Variants in GATAD2A observed in about 807,000 individuals in gnomAD.
GATAD2A encodes transcriptional repressor p66-alpha.
In GATAD2A, 12 loss-of-function variants were observed where a neutral mutation model predicts 68.5. The observed-to-expected ratio is 0.18, with a 90% CI of 0.11 to 0.28. GATAD2A has a LOEUF of 0.28. GATAD2A is among the 10% of genes least tolerant of loss of function. The pLI is 1.00. For missense variants in GATAD2A, 755 were observed against 868.5 expected (o/e 0.87, Z 1.64); for synonymous variants, 410 against 375.3 (o/e 1.09, Z -1.07).
intron 2 of GATAD2A, among the ~76,000 whole-genome samples, chr19:19,478,047 A>G (rs879596107): frequency 3.0e-4 from 45 of 152,202 alleles, no homozygotes; most frequent in African/African-American, 1.1e-3. Flanking sequence ...ATTATAGTGT[A>G]TCTTTGGGGT....
chr19:19,434,809 G>A lies in GATAD2A; in HGVS notation c.-7+28790G>A, dbSNP rs549996127. Among the ~76,000 whole-genome samples, 27 of 152,318 alleles carry A rather than the reference G, an allele frequency of 1.8e-4. No homozygotes were observed. The South Asian group carries it at 3.9e-3, about 22-fold the overall frequency. ...AGAGCATTAGTTTTCCTGTCTGTAA[G>A]ACAGGCAGCCTCTTTCTCTCTGGAC... is the stretch of plus-strand genomic sequence containing the variant. On this transcript the variant is annotated intron_variant, in intron 1 of 11. Transcript: ENST00000683918.
chr19:19,422,205 C>A (rs1568270538), intron 1 of GATAD2A, among the ~76,000 whole-genome samples: 2 of 152,328 alleles, frequency 1.3e-5, no homozygotes, highest in East Asian at 3.9e-4. Flanking sequence ...ACTGAAGCCT[C>A]TTCCCAGCAA....
At chr19:19,486,001 G>GGTC (rs2148315959) in intron 2 of GATAD2A, among the ~76,000 whole-genome samples, 1 of 152,268 alleles carries the variant, frequency 6.6e-6, no homozygotes, top group South Asian at 2.1e-4. Flanking sequence ...CGTGCAAGGG[G>GGTC]GTCCATCAGT....
chr19:19,475,218 A>C (rs2058594065), intron 2 of GATAD2A, among the ~76,000 whole-genome samples: 1 of 152,206 alleles, frequency 6.6e-6, no homozygotes, highest in South Asian at 2.1e-4. Flanking sequence ...ACGATGGACT[A>C]ATGTGGCACA....
chr19:19,391,440 A>G (rs2048839690), intron 1 of GATAD2A, among the ~76,000 whole-genome samples: 1 of 152,178 alleles, frequency 6.6e-6, no homozygotes, highest in Non-Finnish European at 1.5e-5. Context: ...CAATTCTTTT[A>G]AGGACAGTTA....
chr19:19,453,699 C>T (rs771636770), intron 1 of GATAD2A, among the ~76,000 whole-genome samples: 6 of 147,326 alleles, frequency 4.1e-5, no homozygotes, highest in South Asian at 2.1e-4. Context: ...TTTTTTGAGA[C>T]GGAGTCTTGC....
At chr19:19,462,633 ACCAC>A (rs2057537495) in intron 1 of GATAD2A, among the ~76,000 whole-genome samples, 1 of 152,188 alleles carries the variant, frequency 6.6e-6, no homozygotes, top group Non-Finnish European at 1.5e-5. Flanking sequence ...CTGACCTGCT[ACCAC>A]AACAGGGGGC....
At position 19,498,601 on chromosome 19, in the gene GATAD2A, C is replaced by T. The variant is rs773285302; in HGVS notation, c.1083C>T (p.Leu361=). 1.7e-5 allele frequency: 27 copies of T among 1,613,698 alleles called. No individual in the cohort carries two copies. The highest frequency in any genetic ancestry group is 1.6e-4 in the Middle Eastern group (1 of 6,082). ...ALRKQLEKTL[L]EIPPPKPPAP... The stretch of plus-strand genomic sequence containing the variant: ...GCAAACAGCTGGAGAAGACGCTACT[C>T]GAGATCCCCCCACCCAAGCCCCCAG... The change falls in exon 8 of 12, where the codon CTC becomes CTT. Residue 361 remains leucine (L), a synonymous_variant. Transcript: ENST00000683918.
chr19:19,505,134 C>T (rs2060801101), intron 11 of GATAD2A, among the ~76,000 whole-genome samples: 1 of 152,192 alleles, frequency 6.6e-6, no homozygotes, highest in Non-Finnish European at 1.5e-5. Context: ...CTGGCAATGT[C>T]AAGGCCATTG....
Position 19,482,084 on chromosome 19 carries a change from T to C in GATAD2A, c.270-10222T>C, listed in dbSNP as rs2059100993. Reference sequence around the variant, plus strand: ...ATTGTACCATTGCACTCCAGCCTGGTTTACAGAATGAGACCCTGTCTCAAA... The same window carrying C: ...ATTGTACCATTGCACTCCAGCCTGGCTTACAGAATGAGACCCTGTCTCAAA... On this transcript the variant is annotated intron_variant, in intron 2 of 11. Coordinates refer to ENST00000683918, the MANE Select transcript of GATAD2A (RefSeq NM_001384528.1). Among the ~76,000 whole-genome samples the C allele has an allele frequency of 2.0e-5, 3 of 150,824 alleles. No individual in the cohort carries two copies. The South Asian group carries it at 6.3e-4, about 32-fold the overall frequency.
At chr19:19,429,695 C>T (rs2053519387) in intron 1 of GATAD2A, among the ~76,000 whole-genome samples, 1 of 151,868 alleles carries the variant, frequency 6.6e-6, no homozygotes, top group Non-Finnish European at 1.5e-5. Flanking sequence ...GACCAGGGGC[C>T]TACAACATGT....
intron 2 of GATAD2A, among the ~76,000 whole-genome samples, chr19:19,486,642 A>G (rs2059451034): frequency 6.6e-6 from 1 of 152,108 alleles, no homozygotes; most frequent in Non-Finnish European, 1.5e-5. Context: ...GTCGGGGCAA[A>G]CCTCTCTCTC....
intron 11 of GATAD2A, among the ~76,000 whole-genome samples, 176 bp from the exon 12 acceptor site, chr19:19,505,168 G>A (rs964395943): frequency 6.8e-6 from 1 of 147,558 alleles, no homozygotes; most frequent in Non-Finnish European, 1.5e-5. Flanking sequence ...ATACTCTTCA[G>A]CTCTGGGGGG....
At chr19:19,499,036 A>T (rs1388898177) in intron 8 of GATAD2A, among the ~76,000 whole-genome samples, 1 of 152,202 alleles carries the variant, frequency 6.6e-6, no homozygotes, top group East Asian at 1.9e-4. Context: ...GTTGGCCTCC[A>T]CGAAGGGCTC....
chr19:19,453,789 G>C (rs1224801685), intron 1 of GATAD2A, among the ~76,000 whole-genome samples: 1 of 151,272 alleles, frequency 6.6e-6, no homozygotes, highest in African/African-American at 2.4e-5. Flanking sequence ...CAGTTCTCCC[G>C]AGTAGCTGGG....
chr19:19,502,060 G>A lies in GATAD2A; in HGVS notation c.1578+17G>A. On this transcript the variant is annotated intron_variant, in intron 10 of 11. Coordinates refer to ENST00000683918, the MANE Select transcript of GATAD2A (RefSeq NM_001384528.1). ...GTGCTACAGGTCAGAACCGCACTGG[G>A]CGCCGGGAGCCTCGCGCCCCCACCG... The A allele has an allele frequency of 6.2e-7, 1 of 1,600,752 alleles. No homozygotes were observed. Among genetic ancestry groups the A allele is most frequent in the Non-Finnish European group, 8.6e-7 (1 of 1,169,134 alleles).
intron 1 of GATAD2A, among the ~76,000 whole-genome samples, chr19:19,414,394 GT>G (rs1287740435): frequency 1.3e-5 from 2 of 152,032 alleles, no homozygotes; most frequent in Non-Finnish European, 2.9e-5. Flanking sequence ...ATATATCCCT[GT>G]TTTCTCCTGG....
chr19:19,455,537 A>G (rs1351398356), intron 1 of GATAD2A, among the ~76,000 whole-genome samples: 1 of 152,196 alleles, frequency 6.6e-6, no homozygotes, highest in East Asian at 1.9e-4. Context: ...TGGAAAAAAC[A>G]ATACAACATA....
intron 1 of GATAD2A, among the ~76,000 whole-genome samples, chr19:19,412,526 C>G (rs536147823): frequency 2.6e-5 from 4 of 151,460 alleles, no homozygotes; most frequent in Admixed American, 2.0e-4. Context: ...CTGCTACTTG[C>G]GAGGCTGAGA....
Sources: allele counts gnomAD v4.1 joint callset (sites outside exome capture counted in the v4.1 genomes callset), GRCh38; gene constraint gnomAD v4.1.1; transcripts MANE v1.5; gene names NCBI Gene and HGNC (gene_info 2026-07-23, HGNC 2026-07-21).